The following NDFIP2 variants were observed in gnomAD, a reference collection of about 807,000 sequenced individuals.
The protein encoded by NDFIP2 is NEDD4 family-interacting protein 2.
A neutral mutation model predicts 36.0 loss-of-function variants in NDFIP2; 19 were observed. The observed-to-expected ratio is 0.53, with a 90% CI of 0.37 to 0.77. The LOEUF is 0.77. NDFIP2 is among the 30% of genes least tolerant of loss of function. The pLI, the probability that NDFIP2 is intolerant of heterozygous loss-of-function variation, is 0.00. For synonymous variants in NDFIP2, 181 were observed against 167.7 expected, an observed-to-expected ratio of 1.08 and a Z score of -0.61; for missense variants, 446 against 435.8, an observed-to-expected ratio of 1.02 and a Z score of -0.21.
chr13:79,501,335 G>T (rs1198114426), intron 1 of NDFIP2, among the ~76,000 whole-genome samples: 1 of 151,988 alleles, frequency 6.6e-6, no homozygotes, highest in Non-Finnish European at 1.5e-5. Flanking sequence ...GTTATTGTAG[G>T]TTCATCAGTT....
chr13:79,528,402 A>G (rs1252910823), intron 2 of NDFIP2, among the ~76,000 whole-genome samples: 3 of 152,238 alleles, frequency 2.0e-5, no homozygotes, highest in Admixed American at 2.0e-4. Flanking sequence ...ATTTAAAAGT[A>G]TATAAAGTAA....
At chr13:79,547,566 A>G (rs1875736285) in intron 5 of NDFIP2, among the ~76,000 whole-genome samples, 1 of 152,204 alleles carries the variant, frequency 6.6e-6, no homozygotes, top group East Asian at 1.9e-4. Context: ...ACCTTTTAAA[A>G]TTAATGAAGT....
At chr13:79,543,848 T>C (rs1875553536) in intron 5 of NDFIP2, among the ~76,000 whole-genome samples, 166 bp downstream of exon 5, 1 of 152,230 alleles carries the variant, frequency 6.6e-6, no homozygotes, top group South Asian at 2.1e-4. Context: ...GTATGAACAC[T>C]TTATAACTTT....
At chr13:79,524,125 T>G (rs1315914184) in intron 2 of NDFIP2, among the ~76,000 whole-genome samples, 1 of 152,234 alleles carries the variant, frequency 6.6e-6, no homozygotes, top group African/African-American at 2.4e-5. Flanking sequence ...ATTTTCTTCT[T>G]CATCTTCCTC....
Position 79,553,743 on chromosome 13 carries a change from A to G in NDFIP2, c.*1230A>G, listed in dbSNP as rs1875993296. ...GTAGTGAGAGTGTGTAGCCACTATTATAACTGGAATTTAATTTACATTCAT... is the reference window on the plus strand; with the variant it reads ...GTAGTGAGAGTGTGTAGCCACTATTGTAACTGGAATTTAATTTACATTCAT... On this transcript the variant is annotated 3_prime_UTR_variant, in exon 8 of 8. Coordinates refer to ENST00000218652, the MANE Select transcript of NDFIP2 (RefSeq NM_019080.3). 1 of 151,954 alleles carries G rather than the reference A, an allele frequency of 6.6e-6. No individual in the cohort carries two copies. Among genetic ancestry groups the G allele is most frequent in the South Asian group, 2.1e-4 (1 of 4,830 alleles). The allele number at this position is 151,954 out of a possible 1,614,324, so 9.4% of individuals were successfully genotyped here.
Position 79,518,738 on chromosome 13 carries a change from C to T in NDFIP2, c.322-2072C>T, listed in dbSNP as rs2137083393. 2.0e-5 allele frequency among the ~76,000 whole-genome samples: 3 copies of T among 152,310 alleles called. No individual in the cohort carries two copies. In the South Asian group the frequency reaches 6.2e-4, roughly 32 times the overall value. ...CAGAGCTAATAGGTGAACACTAAGA[C>T]ATGGAGAAGATTTTATCAGAGGTCC... On this transcript the variant is annotated intron_variant, in intron 1 of 7. Coordinates refer to ENST00000218652, the MANE Select transcript of NDFIP2 (RefSeq NM_019080.3).
rs1354787834 is a variant in NDFIP2, at chr13:79,481,364, G to A, written c.161G>A (p.Arg54His). 1.3e-6 allele frequency: 2 copies of A among 1,552,372 alleles called. No homozygotes were observed. Among genetic ancestry groups the A allele is most frequent in the African/African-American group, 2.7e-5 (2 of 73,654 alleles). The change falls in exon 1 of 8, where the codon CGC becomes CAC. Residue 54 changes from arginine to histidine, a missense_variant. This residue lies in a region of NDFIP2 where 369 missense variants were observed against 304.8 expected (regional missense o/e 1.21). Transcript: ENST00000218652. Reference protein sequence around the residue: ...TGSEELPPGDRGCRNGGGRGP... With the variant: ...TGSEELPPGDHGCRNGGGRGP... ...AGTGAAGAGCTTCCGCCGGGAGACC[G>A]CGGCTGCAGGAACGGAGGCGGAAGG...
intron 5 of NDFIP2, among the ~76,000 whole-genome samples, chr13:79,544,255 T>C (rs1875570533): frequency 6.6e-6 from 1 of 152,170 alleles, no homozygotes; most frequent in Non-Finnish European, 1.5e-5. Context: ...AGAACTCTTT[T>C]TTTCCCTCAT....
intron 1 of NDFIP2, among the ~76,000 whole-genome samples, chr13:79,509,451 G>C (rs1323098676): frequency 6.6e-6 from 1 of 152,124 alleles, no homozygotes; most frequent in Non-Finnish European, 1.5e-5. Context: ...CCAAGTAACA[G>C]GCTTCAGAGA....
rs1485742746 is a variant in NDFIP2, at chr13:79,481,200, G to C, written c.-4G>C. On this transcript the variant is annotated 5_prime_UTR_variant, in exon 1 of 8. Transcript: ENST00000218652. Reference sequence around the variant, plus strand: ...CCAGCTATACCCTCCCACTGGCGGCGCGGATGGCACGCCGGCGGAGCCAGC... The same window carrying C: ...CCAGCTATACCCTCCCACTGGCGGCCCGGATGGCACGCCGGCGGAGCCAGC... 1 of 1,502,224 alleles carries C rather than the reference G, an allele frequency of 6.7e-7. No homozygotes were observed. The highest frequency in any genetic ancestry group is 2.2e-5 in the Admixed American group (1 of 45,216). The allele number at this position is 1,502,224 out of a possible 1,614,324, so 93.1% of individuals were successfully genotyped here.
At chr13:79,532,207 C>G (rs906941926) in intron 2 of NDFIP2, among the ~76,000 whole-genome samples, 6 of 152,162 alleles carry the variant, frequency 3.9e-5, no homozygotes, top group African/African-American at 1.2e-4. Context: ...TGAGCACATG[C>G]TCTTGGAAAA....
At chr13:79,531,772 G>A (rs1416980596) in intron 2 of NDFIP2, among the ~76,000 whole-genome samples, 2 of 152,208 alleles carry the variant, frequency 1.3e-5, no homozygotes, top group African/African-American at 4.8e-5. Context: ...GTTGTGGCTG[G>A]TTTGATCTTC....
intron 1 of NDFIP2, among the ~76,000 whole-genome samples, chr13:79,509,235 A>T (rs996856061): frequency 1.3e-5 from 2 of 152,120 alleles, no homozygotes; most frequent in African/African-American, 4.8e-5. Context: ...ATCAATCAGT[A>T]TGTGTAAGAT....
At chr13:79,528,867 T>G (rs1442525812) in intron 2 of NDFIP2, among the ~76,000 whole-genome samples, 1 of 152,216 alleles carries the variant, frequency 6.6e-6, no homozygotes, top group Non-Finnish European at 1.5e-5. Flanking sequence ...CTAAATTGCT[T>G]AACACATGTC....
intron 7 of NDFIP2, 28 bp downstream of exon 7, chr13:79,551,150 C>T: frequency 7.0e-7 from 1 of 1,419,850 alleles, no homozygotes; most frequent in East Asian, 2.3e-5. Flanking sequence ...GTGAACTCTG[C>T]CTATTCCCTT....
intron 2 of NDFIP2, among the ~76,000 whole-genome samples, chr13:79,525,958 G>A (rs73553407): frequency 0.043 from 6,499 of 152,202 alleles, 480 homozygotes; most frequent in African/African-American, 0.15. Flanking sequence ...TTCATGCCAT[G>A]TTCTAATCTC....
At chr13:79,489,202 T>G (rs987236255) in intron 1 of NDFIP2, among the ~76,000 whole-genome samples, 3 of 152,208 alleles carry the variant, frequency 2.0e-5, no homozygotes, top group African/African-American at 7.2e-5. Flanking sequence ...GGAGCCATTT[T>G]GGGGCTTGGT....
intron 2 of NDFIP2, among the ~76,000 whole-genome samples, chr13:79,524,933 G>T (rs1874733580): frequency 6.6e-6 from 1 of 152,072 alleles, no homozygotes; most frequent in South Asian, 2.1e-4. Flanking sequence ...AGTTCTTTCA[G>T]GCATCTTCTC....
In NDFIP2 at chr13:79,481,564, C is replaced by T. The variant is rs537164968; in HGVS notation, c.321+40C>T. ...TCCTGTGCCTCCCGGGACTGCCTCC[C>T]GCCGCGGCGTCCCGAGAGTCCCTTT... On this transcript the variant is annotated intron_variant, in intron 1 of 7. Transcript: ENST00000218652. The T allele has an allele frequency of 8.7e-4, 1,324 of 1,515,166 alleles. 20 individuals carry two copies. The South Asian group carries it at 0.016, about 18-fold the overall frequency. The allele number at this position is 1,515,166 out of a possible 1,614,324, so 93.9% of individuals were successfully genotyped here.
Sources: gnomAD v4.1 joint callset for allele counts (sites outside exome capture counted in the v4.1 genomes callset) on GRCh38, gnomAD v4.1.1 for gene constraint, gnomAD v4.1.1 regional missense constraint, MANE v1.5 for transcripts, NCBI Gene and HGNC (gene_info 2026-07-23, HGNC 2026-07-21) for gene names.